The following TLN2 variants were observed in gnomAD, a reference collection of about 807,000 sequenced individuals.
TLN2 encodes talin-2.
TLN2 carries 118 observed loss-of-function variants against 294.7 expected under a neutral mutation model. That is an observed-to-expected ratio of 0.40 (90% CI 0.34 to 0.47). The LOEUF is 0.47. TLN2 is among the 20% of genes least tolerant of loss of function. The probability of loss-of-function intolerance (pLI) is 0.84; values close to 1 mark genes in which losing one functional copy is unlikely to be tolerated. For missense variants in TLN2, 3,083 were observed against 3,282.2 expected, an observed-to-expected ratio of 0.94 and a Z score of 1.48; for synonymous variants, 1,431 against 1,304.5, an observed-to-expected ratio of 1.10 and a Z score of -2.09.
rs1015124814 is a variant in TLN2 at position 62,439,511 on chromosome 15, T to G, written c.-238+48826T>G. On this transcript the variant is annotated intron_variant, in intron 1 of 58. Coordinates refer to ENST00000636159, the MANE Select transcript of TLN2 (RefSeq NM_015059.3). ...TATTTTTAGTAGAGACAGGGTTTAGTCATGTTGGCCAGGCTGGTCTCGAGC... is the reference window on the plus strand; with the variant it reads ...TATTTTTAGTAGAGACAGGGTTTAGGCATGTTGGCCAGGCTGGTCTCGAGC... Among the ~76,000 whole-genome samples, 2 of 152,090 alleles carry G rather than the reference T, an allele frequency of 1.3e-5. 1 individual carries two copies. Among genetic ancestry groups the G allele is most frequent in the East Asian group, 3.9e-4 (2 of 5,176 alleles).
chr15:62,447,729 G>A (rs561502837), intron 1 of TLN2, among the ~76,000 whole-genome samples: 1 of 151,944 alleles, frequency 6.6e-6, no homozygotes, highest in African/African-American at 2.4e-5. Context: ...TCCTGACCCC[G>A]TGATCTGCCC....
At chr15:62,700,332 T>A (rs1227559139) in intron 16 of TLN2, among the ~76,000 whole-genome samples, 1 of 152,210 alleles carries the variant, frequency 6.6e-6, no homozygotes, top group African/African-American at 2.4e-5. Context: ...TACTGCAGGG[T>A]CATCATTATC....
chr15:62,440,489 G>A (rs2035493391), intron 1 of TLN2, among the ~76,000 whole-genome samples: 2 of 152,156 alleles, frequency 1.3e-5, no homozygotes, highest in African/African-American at 4.8e-5. Flanking sequence ...AAATGGCAGA[G>A]CATTTTTTCT....
chr15:62,488,500 C>T (rs1195399540), intron 1 of TLN2, among the ~76,000 whole-genome samples: 1 of 152,154 alleles, frequency 6.6e-6, no homozygotes, highest in Non-Finnish European at 1.5e-5. Context: ...AGACCACCAG[C>T]AGGATCCAGT....
intron 41 of TLN2, among the ~76,000 whole-genome samples, chr15:62,769,055 G>A (rs1195354439): frequency 6.6e-6 from 1 of 152,236 alleles, no homozygotes; most frequent in Non-Finnish European, 1.5e-5. Flanking sequence ...CTCCATGGGG[G>A]AGCCGGGCTC....
chr15:62,698,411 C>T lies in TLN2; in HGVS notation c.1474-343C>T, dbSNP rs77129221. ...AGGAAGCATTCTCATTTAACACCCA[C>T]GTGTTTCCTGTGCGTGAGGAGGTCC... is the stretch of plus-strand genomic sequence containing the variant. On this transcript the variant is annotated intron_variant, in intron 15 of 58. Transcript: ENST00000636159. Among the ~76,000 whole-genome samples the T allele has an allele frequency of 2.1e-3, 324 of 152,316 alleles. 2 individuals are homozygous for T. Among genetic ancestry groups the T allele is most frequent in the African/African-American group, 7.6e-3 (314 of 41,564 alleles).
Position 62,822,021 on chromosome 15 carries a change from C to A in TLN2, c.7002+1411C>A, listed in dbSNP as rs773038648. 2.0e-5 allele frequency among the ~76,000 whole-genome samples: 3 copies of A among 152,152 alleles called. No individual in the cohort carries two copies. The South Asian group carries it at 6.2e-4, about 32-fold the overall frequency. On this transcript the variant is annotated intron_variant, in intron 54 of 58. Transcript: ENST00000636159. ...CCGAAGCCATGTCAGTTGACACATTCGTTCTCCTGGAGAATTAGCCTGGTG... is the reference window on the plus strand; with the variant it reads ...CCGAAGCCATGTCAGTTGACACATTAGTTCTCCTGGAGAATTAGCCTGGTG...
At chr15:62,456,983 CT>C (rs1314858102) in intron 1 of TLN2, among the ~76,000 whole-genome samples, 1 of 152,168 alleles carries the variant, frequency 6.6e-6, no homozygotes, top group Non-Finnish European at 1.5e-5. Context: ...TCACAAGCTA[CT>C]TTTTACAACC....
chr15:62,498,153 CA>C (rs538951284), intron 1 of TLN2, among the ~76,000 whole-genome samples: 10,180 of 93,134 alleles, frequency 0.11, 181 homozygotes, highest in Non-Finnish European at 0.13. Context: ...GACCCTGCCT[CA>C]AAAAAAAAAA....
At chr15:62,653,682 G>A (rs1051496026) in intron 7 of TLN2, among the ~76,000 whole-genome samples, 11 of 151,394 alleles carry the variant, frequency 7.3e-5, no homozygotes, top group African/African-American at 1.9e-4. Context: ...AGCTGAGGTC[G>A]CACCATTGCA....
chr15:62,753,463 G>C (rs1332399389), intron 35 of TLN2, among the ~76,000 whole-genome samples: 1 of 152,166 alleles, frequency 6.6e-6, no homozygotes, highest in East Asian at 1.9e-4. Flanking sequence ...ATCACAAGAT[G>C]GCTGCCAGAG....
At chr15:62,836,221 T>C in intron 57 of TLN2, 148 bp downstream of exon 57, 1 of 1,079,170 alleles carries the variant, frequency 9.3e-7, no homozygotes, top group Non-Finnish European at 1.3e-6. Context: ...ACTGCGTGCG[T>C]CCATGCATCC....
chr15:62,748,549 GC>G (rs1414153367), intron 33 of TLN2, 105 bp downstream of exon 33: 2 of 944,630 alleles, frequency 2.1e-6, no homozygotes, highest in African/African-American at 3.3e-5. Context: ...TCCCTATAGG[GC>G]TAGTTTTCTC....
intron 10 of TLN2, 94 bp downstream of exon 10, chr15:62,673,984 C>T (rs955120664): frequency 1.4e-5 from 12 of 869,316 alleles, no homozygotes; most frequent in African/African-American, 6.7e-5. Flanking sequence ...TTTTATACCT[C>T]GTGCCTGTAC....
intron 33 of TLN2, 61 bp downstream of exon 33, chr15:62,748,505 G>C: frequency 6.9e-6 from 9 of 1,307,636 alleles, no homozygotes; most frequent in Non-Finnish European, 7.7e-6. Flanking sequence ...CTGTGTGTCT[G>C]TGTGTCTGTC....
chr15:62,612,990 A>G (rs1373791056), intron 2 of TLN2, among the ~76,000 whole-genome samples: 1 of 152,224 alleles, frequency 6.6e-6, no homozygotes, highest in East Asian at 1.9e-4. Flanking sequence ...TTAGGAATGT[A>G]TAACTGGTAG....
chr15:62,533,814 T>G (rs2041184310), intron 1 of TLN2, among the ~76,000 whole-genome samples: 1 of 152,154 alleles, frequency 6.6e-6, no homozygotes, highest in Non-Finnish European at 1.5e-5. Flanking sequence ...GGCAGCTGTG[T>G]AGAAGGGCCC....
At chr15:62,642,600 G>A (rs2051252584) in intron 3 of TLN2, among the ~76,000 whole-genome samples, 1 of 152,022 alleles carries the variant, frequency 6.6e-6, no homozygotes, top group Non-Finnish European at 1.5e-5. Flanking sequence ...TCTCACAAGT[G>A]TGGAAAATAC....
chr15:62,614,551 T>A (rs1567194660), intron 2 of TLN2, among the ~76,000 whole-genome samples: 1 of 152,204 alleles, frequency 6.6e-6, no homozygotes. Flanking sequence ...CCGCCACCTC[T>A]CTGCTCGAAA....
Sources: allele counts gnomAD v4.1 joint callset (sites outside exome capture counted in the v4.1 genomes callset), GRCh38; gene constraint gnomAD v4.1.1; transcripts MANE v1.5; gene names NCBI Gene and HGNC (gene_info 2026-07-23, HGNC 2026-07-21).